GPR141: variants seen among roughly 807,000 people sequenced by gnomAD.
GPR141 encodes the protein G protein-coupled receptor 141.
In GPR141, 6 loss-of-function variants were observed where a neutral mutation model predicts 6.8. The observed-to-expected ratio is 0.88, with a 90% CI of 0.48 to 1.74. The LOEUF (loss-of-function observed/expected upper bound fraction) is 1.74, where lower values mean the gene tolerates loss of function less well. Among genes scored for constraint, GPR141 ranks in the 40% most tolerant of loss-of-function variants. The pLI is 0.01. For missense variants in GPR141, 372 were observed against 372.9 expected, an observed-to-expected ratio of 1.00 and a Z score of 0.02; for synonymous variants, 140 against 142.3, an observed-to-expected ratio of 0.98 and a Z score of 0.11.
chr7:37,717,962 C>T (rs769148977), intron 2 of GPR141, among the ~76,000 whole-genome samples: 11 of 152,142 alleles, frequency 7.2e-5, no homozygotes, highest in Admixed American at 3.9e-4. Context: ...AATTGCCTTG[C>T]GAAGTATTCT....
chr7:37,695,134 G>A (rs527931427), intron 2 of GPR141, among the ~76,000 whole-genome samples: 2 of 152,206 alleles, frequency 1.3e-5, no homozygotes, highest in Non-Finnish European at 2.9e-5. Flanking sequence ...AGCAGGTAGA[G>A]TGGTTCCACT....
intron 2 of GPR141, among the ~76,000 whole-genome samples, chr7:37,718,559 A>G (rs990303970): frequency 5.7e-5 from 8 of 140,930 alleles, no homozygotes; most frequent in East Asian, 2.1e-4. Flanking sequence ...AAGGAAGGAA[A>G]GAAAGAAGGA....
At chr7:37,718,295 G>A (rs2131807673) in intron 2 of GPR141, among the ~76,000 whole-genome samples, 1 of 152,248 alleles carries the variant, frequency 6.6e-6, no homozygotes, top group South Asian at 2.1e-4. Flanking sequence ...GATCACTTGA[G>A]GCCAGACGTT....
At position 37,740,899 on chromosome 7, in the gene GPR141, T is replaced by A; in HGVS notation, c.506T>A (p.Phe169Tyr). 1.2e-6 allele frequency: 2 copies of A among 1,614,154 alleles called. No homozygotes were observed. The highest frequency in any genetic ancestry group is 1.7e-6 in the Non-Finnish European group (2 of 1,180,006). The change falls in exon 3 of 3, where the codon TTT becomes TAT. Residue 169 changes from phenylalanine (F) to tyrosine (Y), a missense_variant. Coordinates refer to ENST00000334425, the MANE Select transcript of GPR141 (RefSeq NM_001381946.1). ...EEYNEEHCFK[F>Y]HKELAYTYVK... ...TACAATGAGGAGCACTGTTTTAAAT[T>A]TCACAAAGAGCTTGCTTACACATAT...
chr7:37,720,212 A>C (rs1198199176), intron 2 of GPR141, among the ~76,000 whole-genome samples: 3 of 152,182 alleles, frequency 2.0e-5, no homozygotes, highest in Non-Finnish European at 4.4e-5. Context: ...CCATGACTCA[A>C]GCCTGGCACT....
At chr7:37,701,895 C>G (rs1023925729) in intron 2 of GPR141, among the ~76,000 whole-genome samples, 4 of 152,064 alleles carry the variant, frequency 2.6e-5, no homozygotes, top group African/African-American at 4.8e-5. Context: ...TTTCTTTTTT[C>G]CTCTCAAACT....
At chr7:37,732,842 A>T (rs930141313) in intron 2 of GPR141, among the ~76,000 whole-genome samples, 2 of 152,238 alleles carry the variant, frequency 1.3e-5, no homozygotes, top group Non-Finnish European at 2.9e-5. Context: ...GACGCAGATA[A>T]AACTTAGTTC....
chr7:37,728,528 G>T (rs944728580), intron 2 of GPR141, among the ~76,000 whole-genome samples: 1 of 152,060 alleles, frequency 6.6e-6, no homozygotes, highest in South Asian at 2.1e-4. Context: ...TTTGTAGGCT[G>T]GTCTCTGATG....
chr7:37,735,595 G>C lies in GPR141; in HGVS notation c.-14-4785G>C, dbSNP rs1812192298. 3.9e-5 allele frequency among the ~76,000 whole-genome samples: 6 copies of C among 152,200 alleles called. No homozygotes were observed. In the South Asian group the frequency reaches 1.2e-3, roughly 32 times the overall value. ...ATAATGTTAGTATAGTGGCAGAAAG[G>C]ATGACCCCTCTCAAGGAAAAGAACA... On this transcript the variant is annotated intron_variant, in intron 2 of 2. Coordinates refer to ENST00000334425, the MANE Select transcript of GPR141 (RefSeq NM_001381946.1).
At chr7:37,719,698 G>A (rs1811222385) in intron 2 of GPR141, among the ~76,000 whole-genome samples, 1 of 152,166 alleles carries the variant, frequency 6.6e-6, no homozygotes, top group African/African-American at 2.4e-5. Context: ...AGGCAGCTGA[G>A]CAGAAAACCA....
chr7:37,720,817 T>G (rs1811290655), intron 2 of GPR141, among the ~76,000 whole-genome samples: 1 of 152,096 alleles, frequency 6.6e-6, no homozygotes, highest in African/African-American at 2.4e-5. Context: ...GGGAATTAAA[T>G]TTTTAGTGCA....
chr7:37,690,230 A>T (rs888150124), intron 2 of GPR141, among the ~76,000 whole-genome samples: 6 of 151,840 alleles, frequency 4.0e-5, no homozygotes, highest in Non-Finnish European at 7.4e-5. Context: ...ACGGTTTTGA[A>T]CATTTCTCTT....
chr7:37,689,816 A>G (rs777058689), intron 2 of GPR141, among the ~76,000 whole-genome samples: 111 of 150,258 alleles, frequency 7.4e-4, no homozygotes, highest in Non-Finnish European at 1.4e-3. Flanking sequence ...TTAGATAATC[A>G]TTTGTCAATT....
chr7:37,736,155 G>T (rs568651744), intron 2 of GPR141, among the ~76,000 whole-genome samples: 2 of 152,216 alleles, frequency 1.3e-5, no homozygotes, highest in East Asian at 1.9e-4. Context: ...GGGAGGCTGA[G>T]GCAGGATAAT....
At chr7:37,713,025 C>T (rs759382026) in intron 2 of GPR141, among the ~76,000 whole-genome samples, 5 of 152,204 alleles carry the variant, frequency 3.3e-5, no homozygotes, top group Non-Finnish European at 7.3e-5. Context: ...TGTACAGAAA[C>T]ACCATCTCTT....
At chr7:37,689,863 TTTCTC>T (rs1161401041) in intron 2 of GPR141, among the ~76,000 whole-genome samples, 7 of 151,578 alleles carry the variant, frequency 4.6e-5, no homozygotes, top group Admixed American at 6.5e-5. Context: ...TTTTGTTTCA[TTTCTC>T]TTGTTATTTT....
At chr7:37,706,309 T>C (rs144159073) in intron 2 of GPR141, among the ~76,000 whole-genome samples, 192 of 152,328 alleles carry the variant, frequency 1.3e-3, no homozygotes, top group African/African-American at 4.3e-3. Context: ...TTGGAGAGCA[T>C]TTAAAAACCA....
intron 2 of GPR141, among the ~76,000 whole-genome samples, chr7:37,711,378 C>G (rs1468399780): frequency 6.6e-6 from 1 of 152,142 alleles, no homozygotes; most frequent in Non-Finnish European, 1.5e-5. Context: ...GGCTACAGCC[C>G]TGCTAAAGTA....
Position 37,741,306 on chromosome 7 carries a change from C to T in GPR141, c.913C>T (p.Arg305Cys), listed in dbSNP as rs76924160. 2,624 of 1,577,792 alleles carry T rather than the reference C, an allele frequency of 1.7e-3. 25 individuals are homozygous for T. In the East Asian group the frequency reaches 0.029, roughly 18 times the overall value. Reference sequence around the variant, plus strand: ...TGGCTTATGGAATTGTGTTTTGTGCCGTTAGCCACAAACTACAGTATTCAT... The same window carrying T: ...TGGCTTATGGAATTGTGTTTTGTGCTGTTAGCCACAAACTACAGTATTCAT... Reference protein sequence around the residue: ...IIGLWNCVLCR With the variant: ...IIGLWNCVLCC Residue 305 changes from arginine to cysteine, a missense_variant, in exon 3 of 3, where the codon CGT (arginine) becomes TGT (cysteine). Physicochemically the swap from Arg to Cys is radical, Grantham distance 180 (BLOSUM62 -3). Coordinates refer to ENST00000334425, the MANE Select transcript of GPR141 (RefSeq NM_001381946.1).
Sources: allele counts gnomAD v4.1 joint callset (sites outside exome capture counted in the v4.1 genomes callset), GRCh38; gene constraint gnomAD v4.1.1; transcripts MANE v1.5; gene names NCBI Gene and HGNC (gene_info 2026-07-23, HGNC 2026-07-21).